The following ISM1 variants were observed in gnomAD, a reference collection of about 807,000 sequenced individuals.
ISM1 encodes the protein isthmin-1.
In ISM1, 25 loss-of-function variants were observed where a neutral mutation model predicts 46.3. The observed-to-expected ratio is 0.54, with a 90% confidence interval of 0.39 to 0.75. ISM1 has a LOEUF of 0.75. Among genes scored for constraint, ISM1 ranks in the 30% least tolerant of loss-of-function variants. The pLI is 0.00. For synonymous variants in ISM1, 255 were observed against 256.7 expected (o/e 0.99, Z 0.06); for missense variants, 536 against 625.4 (o/e 0.86, Z 1.52).
At chr20:13,242,314 C>T (rs1568666793) in intron 1 of ISM1, among the ~76,000 whole-genome samples, 1 of 152,140 alleles carries the variant, frequency 6.6e-6, no homozygotes, top group Non-Finnish European at 1.5e-5. Flanking sequence ...AGAAACTCCA[C>T]AGAGCAGTTG....
intron 1 of ISM1, among the ~76,000 whole-genome samples, chr20:13,262,441 T>C: frequency 6.6e-6 from 1 of 152,134 alleles, no homozygotes; most frequent in East Asian, 1.9e-4. Context: ...TTAGGTGATG[T>C]GTGAAGGGTT....
chr20:13,223,351 A>G (rs59975867), intron 1 of ISM1, among the ~76,000 whole-genome samples: 5,841 of 152,258 alleles, frequency 0.038, 190 homozygotes, highest in African/African-American at 0.084. Flanking sequence ...CATTGTGTTT[A>G]CTACGTGCCA....
chr20:13,282,399 T>G (rs1050620219), intron 3 of ISM1, among the ~76,000 whole-genome samples: 1 of 152,324 alleles, frequency 6.6e-6, no homozygotes, highest in Non-Finnish European at 1.5e-5. Context: ...ACACTGAAGT[T>G]TGAAGACCAC....
chr20:13,258,516 A>C (rs1233088565), intron 1 of ISM1, among the ~76,000 whole-genome samples: 3 of 152,132 alleles, frequency 2.0e-5, no homozygotes, highest in Non-Finnish European at 4.4e-5. Context: ...CTCAGACTCA[A>C]ACTGATACAT....
At chr20:13,324,334 G>A in the ISM1 span, among the ~76,000 whole-genome samples, 1 of 152,310 alleles carries the variant, frequency 6.6e-6, no homozygotes, top group South Asian at 2.1e-4. Context: ...TGCCTTGCTA[G>A]CTGCAAGATA....
At chr20:13,311,604 T>C in the ISM1 span, among the ~76,000 whole-genome samples, 1 of 152,194 alleles carries the variant, frequency 6.6e-6, no homozygotes, top group Non-Finnish European at 1.5e-5. Context: ...CTAGTCAGCT[T>C]TTAAAAAGGA....
chr20:13,305,772 A>G, the ISM1 span, among the ~76,000 whole-genome samples: 1 of 152,228 alleles, frequency 6.6e-6, no homozygotes, highest in African/African-American at 2.4e-5. Context: ...TAAGGAACGA[A>G]TTTATGAGAC....
At chr20:13,243,788 G>A (rs1236835515) in intron 1 of ISM1, among the ~76,000 whole-genome samples, 1 of 152,176 alleles carries the variant, frequency 6.6e-6, no homozygotes, top group Admixed American at 6.5e-5. Flanking sequence ...GCAAAACATG[G>A]TTTCAGTAGG....
rs528199276 is a variant in ISM1 at position 13,273,851 on chromosome 20, T to C, written c.378+3108T>C. Among the ~76,000 whole-genome samples, 7 of 152,346 alleles carry C rather than the reference T, an allele frequency of 4.6e-5. No individual in the cohort carries two copies. The East Asian group carries it at 7.7e-4, about 17-fold the overall frequency. On this transcript the variant is annotated intron_variant, in intron 2 of 5. Transcript: ENST00000262487. ...ATACAATCCCTATCGGTTAATTTTCTGTGAGCAATACAGAGGGGTGGAGGG... is the reference window on the plus strand; with the variant it reads ...ATACAATCCCTATCGGTTAATTTTCCGTGAGCAATACAGAGGGGTGGAGGG...
chr20:13,267,826 A>G (rs2040060087), intron 1 of ISM1, among the ~76,000 whole-genome samples: 1 of 152,182 alleles, frequency 6.6e-6, no homozygotes, highest in Non-Finnish European at 1.5e-5. Flanking sequence ...TAACCTAATT[A>G]AACAGTATAC....
the ISM1 span, among the ~76,000 whole-genome samples, chr20:13,317,626 A>T: frequency 6.6e-6 from 1 of 152,012 alleles, no homozygotes; most frequent in Non-Finnish European, 1.5e-5. Flanking sequence ...AGAGAGCCAG[A>T]GAATAGACCT....
chr20:13,313,362 T>G, the ISM1 span, among the ~76,000 whole-genome samples: 4 of 152,256 alleles, frequency 2.6e-5, no homozygotes, highest in Admixed American at 1.3e-4. Flanking sequence ...GTAAACAGAC[T>G]GTAGCTTACT....
the ISM1 span, among the ~76,000 whole-genome samples, chr20:13,317,119 G>A: frequency 6.6e-6 from 1 of 151,736 alleles, no homozygotes; most frequent in Admixed American, 6.6e-5. Flanking sequence ...ATACACAAAT[G>A]TTCATTGCTG....
rs6134832 is a variant in ISM1, at chr20:13,246,187, C to T, written c.138+24273C>T. 7.9e-4 allele frequency among the ~76,000 whole-genome samples: 120 copies of T among 151,670 alleles called. 1 individual carries two copies. In the East Asian group the frequency reaches 0.022, roughly 28 times the overall value. On this transcript the variant is annotated intron_variant, in intron 1 of 5. Coordinates refer to ENST00000262487, the MANE Select transcript of ISM1 (RefSeq NM_080826.2). ...ACTCGGGAGGCTGAGGCAGCAGAAT[C>T]ACTTGAACCCAGGAGGCGGAGGTTG...
chr20:13,222,807 T>C (rs2123113582), intron 1 of ISM1, among the ~76,000 whole-genome samples: 1 of 152,264 alleles, frequency 6.6e-6, no homozygotes, highest in South Asian at 2.1e-4. Flanking sequence ...ACTGTAAACT[T>C]GGAGCATAGG....
At chr20:13,310,057 T>C in the ISM1 span, among the ~76,000 whole-genome samples, 1 of 152,190 alleles carries the variant, frequency 6.6e-6, no homozygotes, top group Non-Finnish European at 1.5e-5. Flanking sequence ...AACAAAATTC[T>C]GATGATATTT....
intron 3 of ISM1, among the ~76,000 whole-genome samples, chr20:13,287,913 T>C (rs2123306239): frequency 6.6e-6 from 1 of 152,304 alleles, no homozygotes; most frequent in Non-Finnish European, 1.5e-5. Context: ...ACTGGGTAGG[T>C]ACTCTGCTCC....
chr20:13,296,203 A>G (rs1350704930), intron 5 of ISM1, among the ~76,000 whole-genome samples: 1 of 152,016 alleles, frequency 6.6e-6, no homozygotes, highest in African/African-American at 2.4e-5. Flanking sequence ...CTCCACCCAT[A>G]GCATGTCCCT....
intron 1 of ISM1, among the ~76,000 whole-genome samples, chr20:13,260,643 G>T (rs530177094): frequency 1.3e-5 from 2 of 151,008 alleles, no homozygotes; most frequent in South Asian, 4.2e-4. Context: ...AATTTCTCCA[G>T]AACAAGTGTC....
Sources: gnomAD v4.1 joint callset for allele counts (sites outside exome capture counted in the v4.1 genomes callset) on GRCh38, gnomAD v4.1.1 for gene constraint, MANE v1.5 for transcripts, NCBI Gene and HGNC (gene_info 2026-07-23, HGNC 2026-07-21) for gene names.